L2HGDH: variants seen among roughly 807,000 people sequenced by gnomAD.
L2HGDH encodes L-2-hydroxyglutarate dehydrogenase, mitochondrial.
Under a neutral mutation model 51.5 loss-of-function variants are expected in L2HGDH, and 34 were observed. The observed-to-expected ratio is 0.66, with a 90% CI of 0.50 to 0.88. The LOEUF (loss-of-function observed/expected upper bound fraction) is 0.88. Among genes scored for constraint, L2HGDH ranks in the 40% least tolerant of loss-of-function variants. The probability of loss-of-function intolerance (pLI) is 0.00; values close to 1 mark genes in which losing one functional copy is unlikely to be tolerated. For synonymous variants in L2HGDH, 198 were observed against 197.9 expected (o/e 1.00, Z -0.01); for missense variants, 558 against 571.9 (o/e 0.98, Z 0.25).
intron 9 of L2HGDH, among the ~76,000 whole-genome samples, chr14:50,251,936 C>T (rs192292990): frequency 1.7e-3 from 252 of 152,094 alleles, no homozygotes; most frequent in Middle Eastern, 6.9e-3. Flanking sequence ...TACAAAACTT[C>T]CTGATAACAG....
At position 50,280,587 on chromosome 14, in the gene L2HGDH, T is replaced by C. The variant is rs1317384595; in HGVS notation, c.704-2033A>G. On this transcript the variant is annotated intron_variant, in intron 5 of 9. Transcript: ENST00000267436. ...ACTGACTACGTTTGCCATTTAGAGA[T>C]ACAGAACCTGAATAGTTATACCGGT... 3.3e-5 allele frequency among the ~76,000 whole-genome samples: 5 copies of C among 152,208 alleles called. No individual in the cohort carries two copies. The South Asian group carries it at 1.0e-3, about 31-fold the overall frequency.
At chr14:50,287,635 T>A (rs1030346096) in intron 4 of L2HGDH, among the ~76,000 whole-genome samples, 48 of 150,644 alleles carry the variant, frequency 3.2e-4, no homozygotes, top group South Asian at 6.3e-4. Context: ...AGTTTTTTTT[T>A]AAATTTTTGA....
chr14:50,272,385 T>C (rs1889746174), intron 6 of L2HGDH, among the ~76,000 whole-genome samples: 1 of 152,206 alleles, frequency 6.6e-6, no homozygotes. Flanking sequence ...TTTTCAATTC[T>C]TCTTTGAATG....
chr14:50,256,090 T>G (rs372439191), intron 9 of L2HGDH, among the ~76,000 whole-genome samples: 1 of 152,170 alleles, frequency 6.6e-6, no homozygotes, highest in East Asian at 1.9e-4. Context: ...TGTATTACAT[T>G]ATTGTCATAT....
rs141600777 is a variant in L2HGDH, at chr14:50,306,864, G to A, written c.141-3847C>T. On this transcript the variant is annotated intron_variant, in intron 1 of 9. Transcript: ENST00000267436. ...AGGGTCTCACTCTATTGCCTAGGTTGGAGTGTAGCAGCATGATCTCGGCTC... is the reference window on the plus strand; with the variant it reads ...AGGGTCTCACTCTATTGCCTAGGTTAGAGTGTAGCAGCATGATCTCGGCTC... Among the ~76,000 whole-genome samples the A allele has an allele frequency of 2.5e-3, 384 of 152,168 alleles. 2 individuals are homozygous for A. The Middle Eastern group carries it at 0.061, about 24-fold the overall frequency.
In L2HGDH at chr14:50,244,991, C is replaced by T. The variant is rs536439640; in HGVS notation, c.*2067G>A. On this transcript the variant is annotated 3_prime_UTR_variant, in exon 10 of 10. Transcript: ENST00000267436. ...TTCATTTACAATTTCTATTTTCTAA[C>T]TTTCTAAATTATAAGAATAATTTCG... 2.5e-5 allele frequency: 25 copies of T among 985,326 alleles called. No homozygotes were observed. Among genetic ancestry groups the T allele is most frequent in the Middle Eastern group, 5.2e-4 (1 of 1,912 alleles). 61.0% of individuals were successfully genotyped at this position (985,326 alleles called of 1,614,324 possible).
intron 9 of L2HGDH, among the ~76,000 whole-genome samples, chr14:50,260,140 G>A (rs1038299609): frequency 6.6e-6 from 1 of 152,116 alleles, no homozygotes; most frequent in African/African-American, 2.4e-5. Context: ...TAGATTTTGG[G>A]GAAGATTCCT....
chr14:50,290,377 C>T (rs9888568), intron 4 of L2HGDH, among the ~76,000 whole-genome samples: 77,421 of 152,058 alleles, frequency 0.51, 20,221 homozygotes, highest in East Asian at 0.65. Context: ...CCTCTCCCCA[C>T]GTCCAGTTCC....
chr14:50,250,103 T>A (rs1312030283), intron 9 of L2HGDH, among the ~76,000 whole-genome samples: 1 of 152,246 alleles, frequency 6.6e-6, no homozygotes, highest in South Asian at 2.1e-4. Context: ...GGTTTCGCCA[T>A]GGTGGCCAGG....
intron 3 of L2HGDH, among the ~76,000 whole-genome samples, chr14:50,298,534 C>A (rs571076214): frequency 6.6e-6 from 1 of 151,916 alleles, no homozygotes; most frequent in Admixed American, 6.6e-5. Flanking sequence ...AGTCTGGTCT[C>A]GAACTCCTGA....
chr14:50,301,258 T>C (rs2030393149), intron 3 of L2HGDH, among the ~76,000 whole-genome samples: 1 of 152,162 alleles, frequency 6.6e-6, no homozygotes, highest in African/African-American at 2.4e-5. Flanking sequence ...GGAAAACAAT[T>C]TGGCAGTTCC....
At chr14:50,276,462 G>C (rs1595101274) in intron 6 of L2HGDH, among the ~76,000 whole-genome samples, 2 of 150,468 alleles carry the variant, frequency 1.3e-5, no homozygotes, top group South Asian at 4.2e-4. Flanking sequence ...ATTGAATTGT[G>C]CCCCCCCCAC....
At chr14:50,262,242 G>A (rs1453909108) in intron 9 of L2HGDH, among the ~76,000 whole-genome samples, 3 of 151,808 alleles carry the variant, frequency 2.0e-5, no homozygotes, top group Admixed American at 1.3e-4. Context: ...GACCATCCTG[G>A]CTCTCTATGA....
intron 6 of L2HGDH, 28 bp from the exon 7 acceptor site, chr14:50,269,358 T>G (rs760445948): frequency 2.5e-6 from 4 of 1,608,446 alleles, no homozygotes; most frequent in Non-Finnish European, 1.7e-6. Flanking sequence ...AACAGTTATT[T>G]GTATAAAGTG....
chr14:50,289,487 A>G (rs1404209608), intron 4 of L2HGDH, among the ~76,000 whole-genome samples: 1 of 152,228 alleles, frequency 6.6e-6, no homozygotes, highest in Non-Finnish European at 1.5e-5. Flanking sequence ...TTTAGTTTAA[A>G]GATCTAATTA....
rs1205523712 is a variant in L2HGDH at position 50,243,681 on chromosome 14, A to G, written c.*3377T>C. ...GGGTATTTTATATATATATATATAT[A>G]TATATTGTTTATTATTATACTTTAA... On this transcript the variant is annotated 3_prime_UTR_variant, in exon 10 of 10. Coordinates refer to ENST00000267436, the MANE Select transcript of L2HGDH (RefSeq NM_024884.3). 1 of 190,892 alleles carries G rather than the reference A, an allele frequency of 5.2e-6. No individual in the cohort carries two copies. The highest frequency in any genetic ancestry group is 8.8e-6 in the Non-Finnish European group (1 of 114,212). 11.8% of individuals were successfully genotyped at this position (190,892 alleles called of 1,614,324 possible).
Position 50,266,867 on chromosome 14 carries a change from C to T in L2HGDH, c.1064+886G>A, listed in dbSNP as rs184601743. On this transcript the variant is annotated intron_variant, in intron 8 of 9. Coordinates refer to ENST00000267436, the MANE Select transcript of L2HGDH (RefSeq NM_024884.3). ...TTGGTAAAAGGACCAAACAAAATAC[C>T]TAATTCAGTATTTCTTACAATAGTA... is the stretch of plus-strand genomic sequence containing the variant. Among the ~76,000 whole-genome samples, 279 of 152,118 alleles carry T rather than the reference C, an allele frequency of 1.8e-3. 2 individuals carry two copies. The highest frequency in any genetic ancestry group is 4.4e-3 in the African/African-American group (182 of 41,526).
intron 4 of L2HGDH, among the ~76,000 whole-genome samples, chr14:50,292,798 T>C (rs193253279): frequency 2.0e-5 from 3 of 152,198 alleles, no homozygotes; most frequent in East Asian, 3.9e-4. Context: ...GGCAGGAGAA[T>C]TGCTTGAACC....
intron 4 of L2HGDH, 69 bp downstream of exon 4, chr14:50,294,046 C>T (rs2029890842): frequency 1.3e-6 from 2 of 1,542,448 alleles, no homozygotes; most frequent in Non-Finnish European, 1.8e-6. Context: ...GCCTCCTATA[C>T]ACTCACCCTC....
Sources: gnomAD v4.1 joint callset for allele counts (sites outside exome capture counted in the v4.1 genomes callset) on GRCh38, gnomAD v4.1.1 for gene constraint, MANE v1.5 for transcripts, NCBI Gene and HGNC (gene_info 2026-07-23, HGNC 2026-07-21) for gene names.